The following COG5 variants were observed in gnomAD, a reference collection of about 807,000 sequenced individuals.
COG5 encodes the protein component of oligomeric golgi complex 5, also known as conserved oligomeric Golgi complex subunit 5.
A neutral mutation model predicts 110.4 loss-of-function variants in COG5; 86 were observed. The ratio of observed to expected loss-of-function variants is 0.78; its 90% CI spans 0.65 to 0.93. The LOEUF (loss-of-function observed/expected upper bound fraction) is 0.93, where lower values mean the gene tolerates loss of function less well. COG5 is among the 40% of genes least tolerant of loss of function. The pLI is 0.00. For missense variants in COG5, 1,077 were observed against 987.0 expected (o/e 1.09, Z -1.22); for synonymous variants, 360 against 334.6 (o/e 1.08, Z -0.83).
chr7:107,230,498 G>C (rs1438930868), intron 19 of COG5, 117 bp downstream of exon 19: 2 of 782,150 alleles, frequency 2.6e-6, no homozygotes, highest in Non-Finnish European at 4.6e-6. Flanking sequence ...TCATGAAATT[G>C]CCATTGTTGT....
chr7:107,309,582 G>T (rs1485055629), intron 11 of COG5, among the ~76,000 whole-genome samples: 3 of 152,130 alleles, frequency 2.0e-5, no homozygotes, highest in Non-Finnish European at 4.4e-5. Context: ...ATGGGTTGTG[G>T]GGGCAGTTTT....
intron 6 of COG5, among the ~76,000 whole-genome samples, chr7:107,426,245 A>G (rs1312067850): frequency 6.6e-6 from 1 of 152,182 alleles, no homozygotes; most frequent in Non-Finnish European, 1.5e-5. Flanking sequence ...GAACCTGTAT[A>G]TTACTCATTT....
At chr7:107,539,295 G>C (rs1053798961) in intron 5 of COG5, among the ~76,000 whole-genome samples, 1 of 152,154 alleles carries the variant, frequency 6.6e-6, no homozygotes, top group Non-Finnish European at 1.5e-5. Flanking sequence ...ATAATGAAAT[G>C]ACATGTTATT....
chr7:107,236,444 A>G lies in COG5; in HGVS notation c.2091+6T>C, dbSNP rs775084095. 1.1e-5 allele frequency: 17 copies of G among 1,601,092 alleles called. No homozygotes were observed. The highest frequency in any genetic ancestry group is 1.5e-5 in the Non-Finnish European group (17 of 1,168,196). On this transcript the variant is annotated splice_donor_region_variant and intron_variant, in intron 18 of 21. Transcript: ENST00000297135. ...TTTTTTCTTTTGTAGTAATTCATCA[A>G]TGTACCTGTGCAAAATCAGCAGCAA...
intron 6 of COG5, among the ~76,000 whole-genome samples, chr7:107,416,527 T>G (rs1203605742): frequency 3.9e-5 from 6 of 152,160 alleles, no homozygotes; most frequent in Non-Finnish European, 8.8e-5. Context: ...TCTAATACAC[T>G]AATTCTTAAA....
In COG5 at chr7:107,563,790, C is replaced by T. The variant is rs1460724242; in HGVS notation, c.94+13G>A. 6.2e-7 allele frequency: 1 copy of T among 1,613,814 alleles called. No individual in the cohort carries two copies. Among genetic ancestry groups the T allele is most frequent in the Non-Finnish European group, 8.5e-7 (1 of 1,179,832 alleles). On this transcript the variant is annotated intron_variant, in intron 1 of 21. Coordinates refer to ENST00000297135, the MANE Select transcript of COG5 (RefSeq NM_006348.5). ...CCCCAACCCCACGACCTGGTCAGAC[C>T]CCGTCTCCTTACCGTCCTGCAGAAG...
chr7:107,506,323 A>G (rs1233715802), intron 6 of COG5, among the ~76,000 whole-genome samples: 3 of 152,146 alleles, frequency 2.0e-5, no homozygotes, highest in African/African-American at 4.8e-5. Flanking sequence ...TTTCTCAGGA[A>G]TGGGCAGGGC....
chr7:107,391,862 A>T (rs865898779), intron 7 of COG5, among the ~76,000 whole-genome samples: 6 of 152,076 alleles, frequency 3.9e-5, no homozygotes, highest in African/African-American at 1.4e-4. Flanking sequence ...GAGGCCAAGG[A>T]GGGCAGATCA....
At chr7:107,554,472 G>T in intron 2 of COG5, 130 bp from the exon 3 acceptor site, 1 of 764,550 alleles carries the variant, frequency 1.3e-6, no homozygotes, top group Non-Finnish European at 2.3e-6. Flanking sequence ...AAAACCACAG[G>T]TTTTTAAGGT....
chr7:107,484,475 A>C (rs1248680953), intron 6 of COG5, among the ~76,000 whole-genome samples: 2 of 151,766 alleles, frequency 1.3e-5, no homozygotes, highest in Non-Finnish European at 2.9e-5. Flanking sequence ...AAGATTAAAA[A>C]CTCCCTAGAT....
chr7:107,442,373 T>C (rs1794758011), intron 6 of COG5, among the ~76,000 whole-genome samples: 1 of 152,146 alleles, frequency 6.6e-6, no homozygotes, highest in Admixed American at 6.5e-5. Context: ...CAATTACCCA[T>C]TCTCAGGGAG....
intron 19 of COG5, among the ~76,000 whole-genome samples, chr7:107,218,978 CTA>C (rs1332017544): frequency 6.6e-6 from 1 of 151,970 alleles, no homozygotes; most frequent in Non-Finnish European, 1.5e-5. Context: ...CATTCAAAAT[CTA>C]TACGGAACAC....
chr7:107,266,921 T>C (rs1264241992), intron 14 of COG5, among the ~76,000 whole-genome samples: 1 of 152,224 alleles, frequency 6.6e-6, no homozygotes. Context: ...ACTAGCTATT[T>C]ACAAAATAAA....
chr7:107,209,861 T>C (rs1562911903), intron 21 of COG5: 1 of 985,244 alleles, frequency 1.0e-6, no homozygotes, highest in Non-Finnish European at 1.2e-6. Flanking sequence ...AGCTACAGAG[T>C]GGTAAGGTAA....
chr7:107,499,765 C>T (rs1436190085), intron 6 of COG5, among the ~76,000 whole-genome samples: 1 of 152,044 alleles, frequency 6.6e-6, no homozygotes, highest in African/African-American at 2.4e-5. Context: ...TCTGTTAATT[C>T]AGTGCAAATA....
intron 6 of COG5, among the ~76,000 whole-genome samples, chr7:107,425,639 G>T (rs1793594282): frequency 6.6e-6 from 1 of 151,990 alleles, no homozygotes; most frequent in African/African-American, 2.4e-5. Flanking sequence ...AATTTTAAGG[G>T]CTTTAAGTTA....
intron 5 of COG5, among the ~76,000 whole-genome samples, chr7:107,533,895 A>C (rs1403330188): frequency 6.6e-6 from 1 of 151,610 alleles, no homozygotes; most frequent in Admixed American, 6.6e-5. Context: ...TGAAAGAAAA[A>C]ATGTTAAGAG....
At chr7:107,476,024 A>C (rs1244015900) in intron 6 of COG5, among the ~76,000 whole-genome samples, 1 of 151,254 alleles carries the variant, frequency 6.6e-6, no homozygotes, top group Non-Finnish European at 1.5e-5. Flanking sequence ...ACTAGGAAAA[A>C]AAAGATTGAT....
intron 13 of COG5, among the ~76,000 whole-genome samples, chr7:107,283,276 T>C (rs903795772): frequency 1.3e-5 from 2 of 152,196 alleles, no homozygotes; most frequent in Non-Finnish European, 2.9e-5. Flanking sequence ...ATTTCTTGTG[T>C]AACGTAAGAA....
Sources: allele counts gnomAD v4.1 joint callset (sites outside exome capture counted in the v4.1 genomes callset), GRCh38; gene constraint gnomAD v4.1.1; transcripts MANE v1.5; gene names NCBI Gene and HGNC (gene_info 2026-07-23, HGNC 2026-07-21).